Variants in OPCML observed in about 807,000 individuals in gnomAD.
OPCML encodes the protein opioid-binding protein/cell adhesion molecule.
A neutral mutation model predicts 37.8 loss-of-function variants in OPCML; 13 were observed. The ratio of observed to expected loss-of-function variants is 0.34; its 90% confidence interval spans 0.22 to 0.55. The LOEUF (loss-of-function observed/expected upper bound fraction) is 0.55. Ranked by LOEUF, OPCML falls within the 20% of genes least tolerant of loss-of-function variation. The pLI is 0.91. For missense variants in OPCML, 341 were observed against 435.6 expected (o/e 0.78, Z 1.93); for synonymous variants, 176 against 168.8 (o/e 1.04, Z -0.33).
At chr11:133,061,268 A>T (rs1948336639) in intron 1 of OPCML, among the ~76,000 whole-genome samples, 1 of 152,242 alleles carries the variant, frequency 6.6e-6, no homozygotes, top group East Asian at 1.9e-4. Context: ...GTCTCCAAAA[A>T]GCTGGGGAAC....
At chr11:133,378,788 A>G (rs1642046943) in intron 1 of OPCML, among the ~76,000 whole-genome samples, 1 of 150,592 alleles carries the variant, frequency 6.6e-6, no homozygotes, top group Admixed American at 6.6e-5. Flanking sequence ...GCTGGACTGC[A>G]GTGATGCAAT....
intron 3 of OPCML, among the ~76,000 whole-genome samples, chr11:132,588,970 G>A (rs757640572): frequency 6.6e-6 from 1 of 152,108 alleles, no homozygotes; most frequent in Non-Finnish European, 1.5e-5. Context: ...GCAACACTGA[G>A]AAATAAACCT....
rs76396463 is a variant in OPCML at position 133,020,649 on chromosome 11, G to A, written c.62-77639C>T. Among the ~76,000 whole-genome samples, 1,454 of 152,260 alleles carry A rather than the reference G, an allele frequency of 9.5e-3. 11 individuals carry two copies. Among genetic ancestry groups the A allele is most frequent in the Non-Finnish European group, 0.015 (1,053 of 68,008 alleles). On this transcript the variant is annotated intron_variant, in intron 1 of 7. Transcript: ENST00000524381. The stretch of plus-strand genomic sequence containing the variant: ...AGAGAAAAAGTGAGTAAAGAGGGGG[G>A]ATTTTCAAGATGGATCAAAATAAGC...
intron 1 of OPCML, among the ~76,000 whole-genome samples, chr11:133,080,978 G>A (rs1206816184): frequency 6.6e-6 from 1 of 152,058 alleles, no homozygotes; most frequent in African/African-American, 2.4e-5. Context: ...TGGGGAAAGG[G>A]GCTTACCGCC....
At chr11:133,025,498 C>T (rs893299267) in intron 1 of OPCML, 2 of 984,730 alleles carry the variant, frequency 2.0e-6, no homozygotes, top group South Asian at 4.7e-5. Context: ...TCAGTCGGCT[C>T]TCTCAGGAAC....
At chr11:132,820,604 A>G (rs1421434857) in intron 2 of OPCML, among the ~76,000 whole-genome samples, 4 of 152,198 alleles carry the variant, frequency 2.6e-5, no homozygotes, top group Non-Finnish European at 4.4e-5. Context: ...GATGTGTGCC[A>G]TCGGAAATCA....
intron 1 of OPCML, among the ~76,000 whole-genome samples, chr11:133,383,366 A>G (rs542684531): frequency 2.6e-5 from 4 of 152,234 alleles, no homozygotes; most frequent in African/African-American, 7.2e-5. Context: ...CGTTGTCCTG[A>G]TTATGAAAGG....
At chr11:132,845,092 T>C (rs962184171) in intron 2 of OPCML, among the ~76,000 whole-genome samples, 1 of 151,796 alleles carries the variant, frequency 6.6e-6, no homozygotes, top group Admixed American at 6.6e-5. Context: ...GGGACCAAGG[T>C]ATGTGGGGAA....
chr11:133,400,427 G>C (rs1945377553), intron 1 of OPCML, among the ~76,000 whole-genome samples: 1 of 152,062 alleles, frequency 6.6e-6, no homozygotes, highest in Non-Finnish European at 1.5e-5. Context: ...TAAATTATTG[G>C]GCAATAAGAG....
intron 1 of OPCML, among the ~76,000 whole-genome samples, chr11:133,316,601 G>A (rs759641727): frequency 8.5e-5 from 13 of 152,080 alleles, no homozygotes; most frequent in Non-Finnish European, 1.6e-4. Flanking sequence ...TGCACATTCT[G>A]CACATGTATT....
At chr11:133,171,679 T>G (rs920318778) in intron 1 of OPCML, among the ~76,000 whole-genome samples, 10 of 152,164 alleles carry the variant, frequency 6.6e-5, no homozygotes, top group Non-Finnish European at 2.9e-5. Context: ...TTCCCAAAGT[T>G]TTAGTGAAGA....
At chr11:132,930,047 T>C (rs1435632757) in intron 2 of OPCML, among the ~76,000 whole-genome samples, 1 of 152,138 alleles carries the variant, frequency 6.6e-6, no homozygotes, top group Admixed American at 6.5e-5. Context: ...AATATAGCAC[T>C]GGGCATTCTA....
intron 2 of OPCML, among the ~76,000 whole-genome samples, chr11:132,897,478 C>CA (rs1943894700): frequency 6.6e-6 from 1 of 152,154 alleles, no homozygotes. Flanking sequence ...AGAAATGCCC[C>CA]AAATGTCCTT....
intron 3 of OPCML, among the ~76,000 whole-genome samples, chr11:132,612,636 T>C (rs1231272323): frequency 6.6e-6 from 1 of 152,040 alleles, no homozygotes; most frequent in Non-Finnish European, 1.5e-5. Context: ...AAATTGGGAA[T>C]AAGTGGTCAC....
At position 132,881,311 on chromosome 11, in the gene OPCML, T is replaced by A. The variant is rs572425306; in HGVS notation, c.146+61615A>T. 8.5e-5 allele frequency among the ~76,000 whole-genome samples: 13 copies of A among 152,298 alleles called. No homozygotes were observed. The East Asian group carries it at 2.5e-3, about 29-fold the overall frequency. On this transcript the variant is annotated intron_variant, in intron 2 of 7. Transcript: ENST00000524381. ...TGGAGTCTGGGGTTCCAGATACTTA[T>A]TGGAGCGCCACACCTGGGAAGGGAA...
chr11:133,413,510 A>G (rs1945695149), intron 1 of OPCML, among the ~76,000 whole-genome samples: 1 of 151,818 alleles, frequency 6.6e-6, no homozygotes, highest in Non-Finnish European at 1.5e-5. Flanking sequence ...TAAATATATA[A>G]AAACAAACAA....
At chr11:132,611,814 T>C (rs1276605070) in intron 3 of OPCML, among the ~76,000 whole-genome samples, 1 of 152,126 alleles carries the variant, frequency 6.6e-6, no homozygotes, top group Non-Finnish European at 1.5e-5. Flanking sequence ...AATTCAAGGC[T>C]GGAGCAACAG....
chr11:132,803,824 C>T (rs991405126), intron 2 of OPCML, among the ~76,000 whole-genome samples: 4 of 152,144 alleles, frequency 2.6e-5, no homozygotes, highest in Admixed American at 2.0e-4. Context: ...AGGGATAGTA[C>T]CTAAATTAGA....
chr11:133,508,856 C>T (rs753739931), intron 1 of OPCML, among the ~76,000 whole-genome samples: 16 of 152,200 alleles, frequency 1.1e-4, no homozygotes, highest in Non-Finnish European at 2.9e-5. Flanking sequence ...ACCTCTTGCT[C>T]GGCTTGCCCC....
Sources: allele counts gnomAD v4.1 joint callset (sites outside exome capture counted in the v4.1 genomes callset), GRCh38; gene constraint gnomAD v4.1.1; transcripts MANE v1.5; gene names NCBI Gene and HGNC (gene_info 2026-07-23, HGNC 2026-07-21).